RPE: variants seen among roughly 807,000 people sequenced by gnomAD.
RPE encodes the protein ribulose-5-phosphate-3-epimerase.
RPE carries 16 observed loss-of-function variants against 24.6 expected under a neutral mutation model. The ratio of observed to expected loss-of-function variants is 0.65; its 90% CI spans 0.44 to 0.99. The LOEUF (loss-of-function observed/expected upper bound fraction) is 0.99. Among genes scored for constraint, RPE ranks in the 50% least tolerant of loss-of-function variants. The probability of loss-of-function intolerance (pLI) is 0.00; values close to 1 mark genes in which losing one functional copy is unlikely to be tolerated. For missense variants in RPE, 240 were observed against 294.5 expected (o/e 0.81, Z 1.35); for synonymous variants, 93 against 98.4 (o/e 0.94, Z 0.33).
At chr2:210,017,767 GAC>G in intron 5 of RPE, 1 of 557,884 alleles carries the variant, frequency 1.8e-6, no homozygotes, top group Non-Finnish European at 3.1e-6. Context: ...CTTTTTCTGA[GAC>G]AGTCTCTCTT....
In RPE at chr2:210,017,490, C is replaced by G; in HGVS notation, c.495C>G (p.Thr165=). Reference sequence around the variant, plus strand: ...ATATCTAGGTTCACTGGTTGAGGACCCAGTTCCCATCTTTGGATATAGAGG... The same window carrying G: ...ATATCTAGGTTCACTGGTTGAGGACGCAGTTCCCATCTTTGGATATAGAGG... ...DMMPKVHWLR[T]QFPSLDIEVD... Residue 165 remains threonine (T), a synonymous_variant, in exon 5 of 6, where the codon ACC becomes ACG. Coordinates refer to ENST00000359429, the MANE Select transcript of RPE (RefSeq NM_199229.3). 1.3e-6 allele frequency: 2 copies of G among 1,579,552 alleles called. No individual in the cohort carries two copies. Among genetic ancestry groups the G allele is most frequent in the East Asian group, 2.3e-5 (1 of 42,618 alleles).
chr2:210,016,799 T>C (rs2093778288), intron 4 of RPE, among the ~76,000 whole-genome samples, 158 bp downstream of exon 4: 1 of 152,210 alleles, frequency 6.6e-6, no homozygotes, highest in East Asian at 1.9e-4. Flanking sequence ...AATGCTGTAA[T>C]AGATTTCTGA....
At chr2:210,004,227 ATGTT>A (rs1198410658) in intron 1 of RPE, among the ~76,000 whole-genome samples, 3 of 152,214 alleles carry the variant, frequency 2.0e-5, no homozygotes, top group African/African-American at 4.8e-5. Flanking sequence ...TAATTAAACT[ATGTT>A]TGAGTAAGTT....
In RPE at chr2:210,003,489, G is replaced by T. The variant is rs751473781; in HGVS notation, c.122+706G>T. 3.8e-5 allele frequency: 49 copies of T among 1,276,386 alleles called. 4 individuals carry two copies. The South Asian group carries it at 4.3e-4, about 11-fold the overall frequency. 79.1% of individuals were successfully genotyped at this position (1,276,386 alleles called of 1,614,324 possible). ...TTTTTGTAAGTAATTTTTAAGCACC[G>T]TAGTTACAGCACATAATATTGTTTG... On this transcript the variant is annotated intron_variant, in intron 1 of 5. Coordinates refer to ENST00000359429, the MANE Select transcript of RPE (RefSeq NM_199229.3).
chr2:210,018,716 A>C (rs1017269866), intron 5 of RPE: 1 of 985,240 alleles, frequency 1.0e-6, no homozygotes, highest in African/African-American at 1.7e-5. Flanking sequence ...TGCCAGAGGT[A>C]GCAAATTTTT....
At position 210,016,035 on chromosome 2, in the gene RPE, A is replaced by C; in HGVS notation, c.265A>C (p.Asn89His). Residue 89 changes from asparagine (N) to histidine (H), a missense_variant, in exon 3 of 6, where the codon AAT (asparagine) becomes CAT (histidine). Asn to His is a moderately conservative substitution (Grantham distance 68). Transcript: ENST00000359429. Reference protein sequence around the residue: ...WVKPMAVAGANQYTFHLEATE... With the variant: ...WVKPMAVAGAHQYTFHLEATE... ...AAAGCCAATGGCTGTAGCAGGAGCC[A>C]ATCAGTACACCTTTCATCTCGAGGC... 1 of 1,614,236 alleles carries C rather than the reference A, an allele frequency of 6.2e-7. No homozygotes were observed. Among genetic ancestry groups the C allele is most frequent in the Non-Finnish European group, 8.5e-7 (1 of 1,180,042 alleles).
At chr2:210,013,511 T>C (rs758180854) in intron 2 of RPE, among the ~76,000 whole-genome samples, 1 of 151,970 alleles carries the variant, frequency 6.6e-6, no homozygotes, top group African/African-American at 2.4e-5. Context: ...GAAGGAGTCT[T>C]ACTATGTTGC....
At chr2:210,013,985 A>G (rs902391842) in intron 2 of RPE, among the ~76,000 whole-genome samples, 1 of 152,202 alleles carries the variant, frequency 6.6e-6, no homozygotes, top group African/African-American at 2.4e-5. Context: ...AACACCATAG[A>G]ACTTCTCCAT....
At chr2:210,004,195 G>A (rs2093600312) in intron 1 of RPE, among the ~76,000 whole-genome samples, 1 of 152,184 alleles carries the variant, frequency 6.6e-6, no homozygotes, top group African/African-American at 2.4e-5. Context: ...ATATTTGTGA[G>A]TCTATTTGAG....
chr2:210,013,407 G>A (rs1379904198), intron 2 of RPE, among the ~76,000 whole-genome samples: 2 of 151,432 alleles, frequency 1.3e-5, no homozygotes, highest in Non-Finnish European at 2.9e-5. Context: ...GTCTTGATGG[G>A]CTCCAGCAGT....
intron 1 of RPE, among the ~76,000 whole-genome samples, chr2:210,008,638 AT>A (rs2093662620): frequency 6.6e-6 from 1 of 151,700 alleles, no homozygotes; most frequent in Non-Finnish European, 1.5e-5. Flanking sequence ...GAACAAAAAG[AT>A]TAACTGGAGT....
chr2:210,016,532 C>A lies in RPE; in HGVS notation c.368C>A (p.Thr123Asn). The A allele has an allele frequency of 4.3e-6, 7 of 1,614,188 alleles. No individual in the cohort carries two copies. The highest frequency in any genetic ancestry group is 5.9e-6 in the Non-Finnish European group (7 of 1,180,048). The change falls in exon 4 of 6, where the codon ACC becomes AAC. Residue 123 changes from threonine (T) to asparagine (N), a missense_variant. Physicochemically the swap from Thr to Asn is moderately conservative, Grantham distance 65 (BLOSUM62 0). Coordinates refer to ENST00000359429, the MANE Select transcript of RPE (RefSeq NM_199229.3). ...MKVGLAIKPG[T>N]SVEYLAPWAN... ...GTTGGCCTTGCCATCAAACCAGGAA[C>A]CTCAGTTGAGTATTTGGCACCATGG... is the stretch of plus-strand genomic sequence containing the variant.
intron 2 of RPE, among the ~76,000 whole-genome samples, chr2:210,015,746 G>A (rs544030081): frequency 6.6e-6 from 1 of 152,276 alleles, no homozygotes; most frequent in African/African-American, 2.4e-5. Flanking sequence ...ATACAGCACT[G>A]TATGCTTTTT....
At chr2:210,010,892 T>C (rs2093690731) in intron 2 of RPE, among the ~76,000 whole-genome samples, 1 of 152,060 alleles carries the variant, frequency 6.6e-6, no homozygotes, top group African/African-American at 2.4e-5. Context: ...CACTCCAGCC[T>C]GAGTGACAGT....
At chr2:210,003,479 T>A in intron 1 of RPE, 1 of 1,284,724 alleles carries the variant, frequency 7.8e-7, no homozygotes, top group Non-Finnish European at 1.0e-6. Context: ...GTAAGTAATT[T>A]TTAAGCACCG....
intron 1 of RPE, among the ~76,000 whole-genome samples, chr2:210,003,928 A>G (rs972604842): frequency 2.0e-5 from 3 of 152,224 alleles, no homozygotes; most frequent in Non-Finnish European, 4.4e-5. Context: ...GATAATGACA[A>G]AACTTTGACC....
intron 2 of RPE, 136 bp downstream of exon 2, chr2:210,009,872 C>G: frequency 1.7e-6 from 2 of 1,162,654 alleles, no homozygotes; most frequent in Non-Finnish European, 1.3e-6. Context: ...TGGCCTGACT[C>G]CAGTAACAAG....
At chr2:210,011,757 G>C (rs926974765) in intron 2 of RPE, among the ~76,000 whole-genome samples, 4 of 150,954 alleles carry the variant, frequency 2.6e-5, no homozygotes. Context: ...CTGCATCCTT[G>C]AACTCCTGGG....
At chr2:210,003,400 T>G (rs1380584404) in intron 1 of RPE, 1 of 1,225,686 alleles carries the variant, frequency 8.2e-7, no homozygotes. Flanking sequence ...ATTACATCAT[T>G]ATTACAATTC....
Sources: gnomAD v4.1 joint callset for allele counts (sites outside exome capture counted in the v4.1 genomes callset) on GRCh38, gnomAD v4.1.1 for gene constraint, MANE v1.5 for transcripts, NCBI Gene and HGNC (gene_info 2026-07-23, HGNC 2026-07-21) for gene names.